The following GARIN3 variants were observed in gnomAD, a reference collection of about 807,000 sequenced individuals.
The protein encoded by GARIN3 is golgi associated RAB2 interactor family member 3, also known as Golgi-associated RAB2 interactor protein 3.
At chr5:157,161,964 T>C in the GARIN3 span, 1 of 155,966 alleles carries the variant, frequency 6.4e-6, no homozygotes, top group Non-Finnish European at 1.4e-5. Flanking sequence ...TGCCTACAAA[T>C]ACTGCTGTAT....
At chr5:157,165,527 A>G in the GARIN3 span, 1 of 1,567,752 alleles carries the variant, frequency 6.4e-7, no homozygotes, top group Non-Finnish European at 8.6e-7. Context: ...CCCCCAAAGA[A>G]CCTGCCCCAT....
the GARIN3 span, chr5:157,163,422 A>G: frequency 6.2e-7 from 1 of 1,614,154 alleles, no homozygotes; most frequent in South Asian, 1.1e-5. Flanking sequence ...CTATTGCCAC[A>G]TCTGTTCTAG....
At chr5:157,166,110 G>T in the GARIN3 span, 1 of 1,614,076 alleles carries the variant, frequency 6.2e-7, no homozygotes, top group South Asian at 1.1e-5. Flanking sequence ...GGTTTTGAAC[G>T]CACTCATTGA....
the GARIN3 span, chr5:157,163,770 C>G: frequency 7.1e-7 from 1 of 1,416,834 alleles, no homozygotes; most frequent in Non-Finnish European, 9.4e-7. Flanking sequence ...ATTAGAAGAA[C>G]CTGGGTCGGG....
the GARIN3 span, chr5:157,165,666 C>A: frequency 1.2e-6 from 2 of 1,614,030 alleles, no homozygotes; most frequent in Non-Finnish European, 1.7e-6. Context: ...AAGTTTTTCC[C>A]AATAGCAAAA....
the GARIN3 span, chr5:157,162,364 T>C: frequency 2.6e-6 from 4 of 1,510,212 alleles, no homozygotes; most frequent in Non-Finnish European, 3.6e-6. Flanking sequence ...TCCTTTATTA[T>C]TTGAACTGCA....
chr5:157,165,972 C>T, the GARIN3 span: 24 of 1,614,152 alleles, frequency 1.5e-5, no homozygotes, highest in East Asian at 1.6e-4. Context: ...CATTCGGACA[C>T]GGTTGTGTAC....
chr5:157,162,689 C>T, the GARIN3 span: 2 of 1,614,214 alleles, frequency 1.2e-6, no homozygotes, highest in Non-Finnish European at 8.5e-7. Flanking sequence ...TTTTGTAAAG[C>T]TCCTGTGCTA....
chr5:157,166,015 T>C, the GARIN3 span: 6 of 1,614,086 alleles, frequency 3.7e-6, no homozygotes, highest in African/African-American at 1.3e-5. Flanking sequence ...TTTATCTGAA[T>C]AAAATTACTC....
At chr5:157,163,331 C>T in the GARIN3 span, 9 of 1,613,998 alleles carry the variant, frequency 5.6e-6, no homozygotes, top group Non-Finnish European at 6.8e-6. Context: ...CCCGCCAGCG[C>T]TGTGGTCACT....
chr5:157,165,983 A>G, the GARIN3 span: 1 of 1,614,198 alleles, frequency 6.2e-7, no homozygotes, highest in South Asian at 1.1e-5. Flanking sequence ...GGTTGTGTAC[A>G]TCAATCACCT....
chr5:157,162,749 T>C, the GARIN3 span: 4 of 1,614,238 alleles, frequency 2.5e-6, no homozygotes, highest in Non-Finnish European at 3.4e-6. Context: ...GACTCCTTTT[T>C]GGTGGAGCTG....
chr5:157,164,284 G>A, the GARIN3 span, among the ~76,000 whole-genome samples: 7 of 151,742 alleles, frequency 4.6e-5, no homozygotes, highest in Admixed American at 3.3e-4. Context: ...TGAATAGCTG[G>A]GACTACAGGC....
At chr5:157,162,429 T>G in the GARIN3 span, 1 of 1,607,996 alleles carries the variant, frequency 6.2e-7, no homozygotes, top group Non-Finnish European at 8.5e-7. Flanking sequence ...CCTGGGCGGT[T>G]GTAGCCCTGG....
the GARIN3 span, chr5:157,163,598 C>T: frequency 6.2e-7 from 1 of 1,613,994 alleles, no homozygotes; most frequent in African/African-American, 1.3e-5. Flanking sequence ...GCTGCAGATA[C>T]ATCACAAGGC....
At chr5:157,162,295 C>T in the GARIN3 span, 2 of 1,203,220 alleles carry the variant, frequency 1.7e-6, no homozygotes, top group East Asian at 2.4e-5. Context: ...AGGTCACCAC[C>T]AGGCTATGGG....
At chr5:157,165,418 T>C in the GARIN3 span, 1 of 1,275,400 alleles carries the variant, frequency 7.8e-7, no homozygotes, top group Non-Finnish European at 1.1e-6. Context: ...AGTCCCCTAG[T>C]AGTGGCTCAT....
the GARIN3 span, chr5:157,162,262 C>T: frequency 9.3e-5 from 81 of 871,502 alleles, 1 homozygote; most frequent in South Asian, 5.4e-4. Context: ...TGTAGCATAG[C>T]CACCATCACA....
chr5:157,162,236 G>A, the GARIN3 span: 3 of 691,096 alleles, frequency 4.3e-6, no homozygotes, highest in Non-Finnish European at 4.7e-6. Context: ...CTTGCCTGGA[G>A]GCTGGGGTCT....
Sources: gnomAD v4.1 joint callset for allele counts (sites outside exome capture counted in the v4.1 genomes callset) on GRCh38, gnomAD v4.1.1 for gene constraint, MANE v1.5 for transcripts, NCBI Gene and HGNC (gene_info 2026-07-23, HGNC 2026-07-21) for gene names.